The following PCNT variants were observed in gnomAD, a reference collection of about 807,000 sequenced individuals.
The protein encoded by PCNT is pericentrin, also known as kendrin.
A neutral mutation model predicts 380.4 loss-of-function variants in PCNT; 319 were observed. That is an observed-to-expected ratio of 0.84 (90% CI 0.77 to 0.92). The LOEUF (loss-of-function observed/expected upper bound fraction) is 0.92. Ranked by LOEUF, PCNT falls within the 40% of genes least tolerant of loss-of-function variation. The pLI is 0.00. For missense variants in PCNT, 4,400 were observed against 4,255.3 expected, an observed-to-expected ratio of 1.03 and a Z score of -0.95; for synonymous variants, 1,845 against 1,735.2, an observed-to-expected ratio of 1.06 and a Z score of -1.57.
chr21:46,338,674 C>T lies in PCNT; in HGVS notation c.639+3906C>T, dbSNP rs551456381. Among the ~76,000 whole-genome samples, 209 of 150,614 alleles carry T rather than the reference C, an allele frequency of 1.4e-3. 2 individuals are homozygous for T. The highest frequency in any genetic ancestry group is 0.01 in the Middle Eastern group (3 of 294). On this transcript the variant is annotated intron_variant, in intron 3 of 46. Coordinates refer to ENST00000359568, the MANE Select transcript of PCNT (RefSeq NM_006031.6). ...GTCGCCCAGGCTGGAGCGGTGATCT[C>T]GGCTCACTATAACCTCTGCCTCCTG...
rs570485890 is a variant in PCNT, at chr21:46,354,202, G to A, written c.1761+134G>A. ...GGGAGGAAGGCTGCTTGCGGATGCT[G>A]CCCCGACCTCACTGCTGCTCCGCGG... On this transcript the variant is annotated intron_variant, in intron 11 of 46. Coordinates refer to ENST00000359568, the MANE Select transcript of PCNT (RefSeq NM_006031.6). The A allele has an allele frequency of 2.6e-5, 21 of 801,076 alleles. No homozygotes were observed. In the East Asian group the frequency reaches 5.1e-4, roughly 19 times the overall value. 49.6% of individuals were successfully genotyped at this position (801,076 alleles called of 1,614,324 possible). A position where few individuals can be genotyped will look rare whatever the true frequency, so the allele number is the denominator to read the frequency against.
At position 46,326,592 on chromosome 21, in the gene PCNT, A is replaced by G. The variant is rs771971500; in HGVS notation, c.267+3A>G. Reference sequence around the variant, plus strand: ...CAGGAGGGGCCTTTGCAGCTCAGGTAGATTTGCTCAATGTTGTATTTGAAC... The same window carrying G: ...CAGGAGGGGCCTTTGCAGCTCAGGTGGATTTGCTCAATGTTGTATTTGAAC... On this transcript the variant is annotated splice_donor_region_variant and intron_variant, in intron 2 of 46. Transcript: ENST00000359568. 3.8e-5 allele frequency: 61 copies of G among 1,612,914 alleles called. 1 individual carries two copies. The highest frequency in any genetic ancestry group is 4.8e-5 in the Non-Finnish European group (57 of 1,179,014).
intron 20 of PCNT, 31 bp from the exon 21 acceptor site, chr21:46,391,133 C>A: frequency 6.5e-7 from 1 of 1,546,726 alleles, no homozygotes; most frequent in Non-Finnish European, 8.8e-7. Flanking sequence ...CCAGGACTGG[C>A]TTTGTCAGAG....
Position 46,388,615 on chromosome 21 carries a change from G to A in PCNT, c.3465-127G>A, listed in dbSNP as rs1047275318. ...CATGGGCATGAGGATCATGTCTTCC[G>A]GCCCCGTGGGGACAGGCAGCCGTGG... On this transcript the variant is annotated intron_variant, in intron 17 of 46. Coordinates refer to ENST00000359568, the MANE Select transcript of PCNT (RefSeq NM_006031.6). This position sits in a 1 kb window ranked among gnomAD's most constrained non-coding sequence, Gnocchi z 4.2. 4.2e-6 allele frequency: 5 copies of A among 1,189,030 alleles called. No homozygotes were observed. Among genetic ancestry groups the A allele is most frequent in the African/African-American group, 3.0e-5 (2 of 67,182 alleles). 73.7% of individuals were successfully genotyped at this position (1,189,030 alleles called of 1,614,324 possible).
chr21:46,414,831 C>T (rs1463540957), intron 29 of PCNT, among the ~76,000 whole-genome samples: 1 of 150,398 alleles, frequency 6.6e-6, no homozygotes, highest in East Asian at 2.0e-4. Context: ...CCCTGCTCCT[C>T]CTCCTCCTGG....
At chr21:46,403,455 C>G (rs1466230473) in intron 27 of PCNT, among the ~76,000 whole-genome samples, 8 of 123,654 alleles carry the variant, frequency 6.5e-5, no homozygotes, top group Admixed American at 8.8e-5. Context: ...TGTGTGGTGC[C>G]CACGCGGCAC....
chr21:46,418,526 C>T (rs986455436), intron 31 of PCNT, among the ~76,000 whole-genome samples: 1 of 152,226 alleles, frequency 6.6e-6, no homozygotes, highest in African/African-American at 2.4e-5. Flanking sequence ...GGGCCACGCT[C>T]CACCCTGGAA....
At chr21:46,399,113 C>T (rs535620755) in intron 24 of PCNT, among the ~76,000 whole-genome samples, 19 of 152,352 alleles carry the variant, frequency 1.2e-4, no homozygotes, top group African/African-American at 4.8e-5. Flanking sequence ...GCCACCGCGC[C>T]GGCTGTAGTA....
At chr21:46,414,719 AC>A (rs2086947412) in intron 29 of PCNT, among the ~76,000 whole-genome samples, 1 of 34,498 alleles carries the variant, frequency 2.9e-5, no homozygotes, top group Non-Finnish European at 6.7e-5. Context: ...CTCCTCCTGG[AC>A]ACACAGCTGC....
rs750384932 is a variant in PCNT, at chr21:46,363,658, C to T, written c.2333C>T (p.Ala778Val). Residue 778 changes from alanine (A) to valine (V), a missense_variant, in exon 14 of 47, where the codon GCT (alanine) becomes GTT (valine). By Grantham distance (64) the Ala-to-Val change is moderately conservative (BLOSUM62 0). Coordinates refer to ENST00000359568, the MANE Select transcript of PCNT (RefSeq NM_006031.6). ...TLMLLELREK[A>V]ESEKQTIINK... Reference sequence around the variant, plus strand: ...ATGCTACTTGAACTGAGAGAAAAGGCTGAATCCGAGAAACAGACCATCATA... The same window carrying T: ...ATGCTACTTGAACTGAGAGAAAAGGTTGAATCCGAGAAACAGACCATCATA... 6 of 1,614,202 alleles carry T rather than the reference C, an allele frequency of 3.7e-6. No homozygotes were observed. In the South Asian group the frequency reaches 4.4e-5, roughly 12 times the overall value.
chr21:46,350,464 A>T (rs2084226055), intron 8 of PCNT, among the ~76,000 whole-genome samples: 1 of 152,176 alleles, frequency 6.6e-6, no homozygotes, highest in African/African-American at 2.4e-5. Flanking sequence ...TTCTCTAATG[A>T]AGCACTACAA....
intron 17 of PCNT, among the ~76,000 whole-genome samples, chr21:46,386,827 C>G (rs747826864): frequency 7.2e-5 from 11 of 152,212 alleles, no homozygotes; most frequent in Non-Finnish European, 1.5e-4. Flanking sequence ...GGACTCGGCA[C>G]TGTGTTGCCA....
Position 46,357,180 on chromosome 21 carries a change from G to A in PCNT, c.2143G>A (p.Asp715Asn). ...GCAGCATGAAACTCGTCTGAAGGAC[G>A]ATTTGGAGAAGGTGAGTCGTGACTC... is the stretch of plus-strand genomic sequence containing the variant. ...KLQHETRLKD[D>N]LEKVKHNLIE... Residue 715 changes from aspartate to asparagine, a missense_variant, in exon 13 of 47, where the codon GAT (aspartate) becomes AAT (asparagine). Coordinates refer to ENST00000359568, the MANE Select transcript of PCNT (RefSeq NM_006031.6). 2 of 1,610,972 alleles carry A rather than the reference G, an allele frequency of 1.2e-6. No individual in the cohort carries two copies. The highest frequency in any genetic ancestry group is 1.7e-6 in the Non-Finnish European group (2 of 1,177,042).
intron 27 of PCNT, among the ~76,000 whole-genome samples, chr21:46,410,928 A>G (rs1458689594): frequency 3.9e-5 from 6 of 152,218 alleles, no homozygotes. Flanking sequence ...CATTCTGTAG[A>G]TGTCCTTGCA....
chr21:46,346,344 T>G, intron 4 of PCNT, 136 bp downstream of exon 4: 1 of 775,792 alleles, frequency 1.3e-6, no homozygotes, highest in Non-Finnish European at 2.1e-6. Context: ...GTTCTGTGTG[T>G]GGGGCCATCA....
At chr21:46,379,282 C>T (rs773892570) in intron 15 of PCNT, among the ~76,000 whole-genome samples, 30 of 151,716 alleles carry the variant, frequency 2.0e-4, no homozygotes, top group Non-Finnish European at 3.8e-4. Context: ...TGTCGTGAGC[C>T]GCGCCCGTCT....
chr21:46,375,387 C>G (rs1456704513), intron 15 of PCNT, among the ~76,000 whole-genome samples: 1 of 152,222 alleles, frequency 6.6e-6, no homozygotes, highest in African/African-American at 2.4e-5. Context: ...TGCCTTCTGA[C>G]ATTGGTATTC....
At chr21:46,392,596 G>A (rs145238718) in intron 21 of PCNT, among the ~76,000 whole-genome samples, 352 of 152,326 alleles carry the variant, frequency 2.3e-3, no homozygotes, top group Non-Finnish European at 4.0e-3. Flanking sequence ...CAGGATGTGG[G>A]GTTCAGGTCG....
intron 33 of PCNT, 99 bp from the exon 34 acceptor site, chr21:46,427,523 C>G: frequency 7.3e-7 from 1 of 1,377,560 alleles, no homozygotes; most frequent in Non-Finnish European, 1.0e-6. Flanking sequence ...AATCACCTCC[C>G]GCAGGCCCCA....
Sources: allele counts gnomAD v4.1 joint callset (sites outside exome capture counted in the v4.1 genomes callset), GRCh38; gene constraint gnomAD v4.1.1; non-coding constraint Gnocchi (gnomAD v3.1); transcripts MANE v1.5; gene names NCBI Gene and HGNC (gene_info 2026-07-23, HGNC 2026-07-21).